DMD: variants seen among roughly 807,000 people sequenced by gnomAD.
The protein encoded by DMD is dystrophin.
A neutral mutation model predicts 330.1 loss-of-function variants in DMD; 63 were observed. That is an observed-to-expected ratio of 0.19 (90% CI 0.16 to 0.24). The LOEUF is 0.24. DMD is among the 10% of genes least tolerant of loss of function. The pLI, the probability that DMD is intolerant of heterozygous loss-of-function variation, is 1.00. For synonymous variants in DMD, 1,223 were observed against 959.8 expected (o/e 1.27, Z -5.07); for missense variants, 3,344 against 2,684.1 (o/e 1.25, Z -5.43).
intron 1 of DMD, among the ~76,000 whole-genome samples, chrX:33,110,536 A>C (rs2095331564): frequency 8.9e-6 from 1 of 111,831 alleles, no homozygotes; most frequent in South Asian, 3.7e-4. Flanking sequence ...TGATTTTTCA[A>C]GATATCCAAA....
At chrX:31,611,574 A>G (rs1186091703) in intron 55 of DMD, among the ~76,000 whole-genome samples, 1 of 111,734 alleles carries the variant, frequency 8.9e-6, no homozygotes, top group African/African-American at 3.2e-5. Context: ...CATAAAATTG[A>G]TCATTTTAAT....
intron 4 of DMD, among the ~76,000 whole-genome samples, chrX:32,841,509 G>A (rs2080157986): frequency 1.8e-5 from 2 of 111,933 alleles, no homozygotes; most frequent in South Asian, 3.7e-4. Flanking sequence ...GAGAGAGAGA[G>A]AACAATGCAA....
intron 2 of DMD, among the ~76,000 whole-genome samples, chrX:33,011,791 T>C (rs1456240148): frequency 3.6e-5 from 4 of 112,028 alleles, no homozygotes; most frequent in Admixed American, 9.5e-5. Context: ...GCTTCACTAA[T>C]GTCCATGTAT....
At chrX:32,879,912 C>A (rs750820777) in intron 2 of DMD, among the ~76,000 whole-genome samples, 1 of 111,488 alleles carries the variant, frequency 9.0e-6, no homozygotes, top group Admixed American at 9.6e-5. Context: ...GCCTTTCAGA[C>A]CTTCCTCTTC....
chrX:33,073,659 C>T (rs1470104566), intron 1 of DMD, among the ~76,000 whole-genome samples: 1 of 109,962 alleles, frequency 9.1e-6, no homozygotes, highest in Non-Finnish European at 1.9e-5. Context: ...GGTGAAACCC[C>T]GTCTCTACTA....
chrX:33,268,594 G>A (rs951640652), intron 1 of DMD, among the ~76,000 whole-genome samples: 2 of 111,733 alleles, frequency 1.8e-5, no homozygotes, highest in Non-Finnish European at 3.8e-5. Flanking sequence ...AAACCACAAT[G>A]AGATACCATC....
chrX:32,836,153 T>C (rs1188627550), intron 4 of DMD, among the ~76,000 whole-genome samples: 1 of 108,641 alleles, frequency 9.2e-6, no homozygotes, highest in African/African-American at 3.4e-5. Context: ...TGCCTCAGCC[T>C]CCCCAGTAGC....
At chrX:32,622,268 GA>G (rs2058048750) in intron 11 of DMD, among the ~76,000 whole-genome samples, 1 of 111,560 alleles carries the variant, frequency 9.0e-6, no homozygotes, top group African/African-American at 3.3e-5. Context: ...GAACAAGTTT[GA>G]AAACAGAAGA....
chrX:31,914,060 G>A (rs1229828703), intron 47 of DMD, among the ~76,000 whole-genome samples: 1 of 112,347 alleles, frequency 8.9e-6, no homozygotes, highest in South Asian at 3.6e-4. Context: ...AAAAAGCAAC[G>A]ATTTTTCTCA....
intron 2 of DMD, among the ~76,000 whole-genome samples, chrX:32,985,514 T>C (rs756168003): frequency 9.0e-6 from 1 of 111,271 alleles, no homozygotes; most frequent in South Asian, 3.8e-4. Context: ...AACACATGCA[T>C]ACATCTGTCA....
chrX:32,343,260 C>G lies in DMD; in HGVS notation c.5613G>C (p.Lys1871Asn), dbSNP rs759824486. ...LKDLRSQRRK[K>N]ALEISHQWYQ... ...ACCACTGATGAGAAATTTCTAGAGC[C>G]TTTTTTCTTCTTTGAGACCTCAAAT... The change falls in exon 40 of 79, where the codon AAG becomes AAC. Residue 1871 changes from lysine (K) to asparagine (N), a missense_variant. Coordinates refer to ENST00000357033, the MANE Select transcript of DMD (RefSeq NM_004006.3). 1 of 1,207,539 alleles carries G rather than the reference C, an allele frequency of 8.3e-7. No individual in the cohort carries two copies.
In DMD at chrX:33,010,109, T is replaced by C. The variant is rs908659131; in HGVS notation, c.93+10030A>G. Among the ~76,000 whole-genome samples, 239 of 98,732 alleles carry C rather than the reference T, an allele frequency of 2.4e-3. 2 individuals are homozygous for C. Among genetic ancestry groups the C allele is most frequent in the African/African-American group, 8.3e-3 (204 of 24,512 alleles). The allele number at this position is 98,732 out of a possible 115,157, so 85.7% of individuals were successfully genotyped here. A position where few individuals can be genotyped will look rare whatever the true frequency, so the allele number is the denominator to read the frequency against. ...GTGTATATATACATGTATATGCACA[T>C]ATGTGCACATGTGTGTATATATGTA... On this transcript the variant is annotated intron_variant, in intron 2 of 78. Coordinates refer to ENST00000357033, the MANE Select transcript of DMD (RefSeq NM_004006.3).
intron 47 of DMD, among the ~76,000 whole-genome samples, chrX:31,896,417 G>T (rs7889377): frequency 0.12 from 13,193 of 111,045 alleles, 651 homozygotes; most frequent in Admixed American, 0.23. Flanking sequence ...TTCTAGTATT[G>T]CAGAGATGGT....
rs2032611615 is a variant in DMD, at chrX:31,121,777, C to CTCTT, written c.*138_*141dup. The CTCTT allele has an allele frequency of 1.1e-6, 1 of 872,785 alleles. No homozygotes were observed. The highest frequency in any genetic ancestry group is 1.7e-6 in the Non-Finnish European group (1 of 589,224). 71.9% of individuals were successfully genotyped at this position (872,785 alleles called of 1,213,427 possible). A position where few individuals can be genotyped will look rare whatever the true frequency, so the allele number is the denominator to read the frequency against. ...TCTTGTAAACTCTTACTGTCTAATC[C>CTCTT]TCTTTGTTGTATGAATATTATAAAA... On this transcript the variant is annotated 3_prime_UTR_variant, in exon 79 of 79. Transcript: ENST00000357033.
chrX:31,302,003 C>T (rs1277932920), intron 62 of DMD, among the ~76,000 whole-genome samples: 3 of 112,040 alleles, frequency 2.7e-5, no homozygotes, highest in Non-Finnish European at 5.6e-5. Context: ...TCAACCACTA[C>T]ACTAACAAGC....
intron 44 of DMD, among the ~76,000 whole-genome samples, chrX:32,063,187 A>AACACAC (rs113943502): frequency 0.11 from 10,976 of 100,568 alleles, 426 homozygotes; most frequent in South Asian, 0.16. Context: ...AAGTATGTCT[A>AACACAC]ACACACACAC....
At chrX:32,616,066 G>C (rs5972621) in intron 11 of DMD, among the ~76,000 whole-genome samples, 12,780 of 110,231 alleles carry the variant, frequency 0.12, 1,782 homozygotes, top group African/African-American at 0.38. Flanking sequence ...GTGGGGATTT[G>C]TCTGATTTTT....
intron 63 of DMD, among the ~76,000 whole-genome samples, chrX:31,242,547 G>C (rs1360315019): frequency 9.0e-6 from 1 of 110,772 alleles, no homozygotes; most frequent in African/African-American, 3.3e-5. Context: ...ATTTAAGTTG[G>C]TGTACACGGT....
chrX:31,963,001 A>G (rs1228826126), intron 45 of DMD, among the ~76,000 whole-genome samples: 1 of 111,951 alleles, frequency 8.9e-6, no homozygotes, highest in Non-Finnish European at 1.9e-5. Context: ...AAGATGCTGA[A>G]AAGCTATTTG....
Sources: gnomAD v4.1 joint callset for allele counts (sites outside exome capture counted in the v4.1 genomes callset) on GRCh38, gnomAD v4.1.1 for gene constraint, MANE v1.5 for transcripts, NCBI Gene and HGNC (gene_info 2026-07-23, HGNC 2026-07-21) for gene names.